The following SKI variants were observed in gnomAD, a reference collection of about 807,000 sequenced individuals.
The protein encoded by SKI is ski oncogene.
A neutral mutation model predicts 59.3 loss-of-function variants in SKI; 23 were observed. That is an observed-to-expected ratio of 0.39 (90% CI 0.28 to 0.55). The LOEUF (loss-of-function observed/expected upper bound fraction) is 0.55. Ranked by LOEUF, SKI falls within the 20% of genes least tolerant of loss-of-function variation. SKI has a pLI of 0.67. For synonymous variants in SKI, 673 were observed against 488.6 expected, an observed-to-expected ratio of 1.38 and a Z score of -4.98; for missense variants, 1,017 against 1,038.9, an observed-to-expected ratio of 0.98 and a Z score of 0.29.
chr1:2,253,566 G>T (rs1440559801), intron 1 of SKI, among the ~76,000 whole-genome samples: 1 of 152,228 alleles, frequency 6.6e-6, no homozygotes, highest in Non-Finnish European at 1.5e-5. Flanking sequence ...CTGTCTCAGG[G>T]GGCTGCTGGC....
chr1:2,306,790 CG>C lies in SKI; in HGVS notation c.*26del, dbSNP rs1404110864. 6.1e-6 allele frequency: 9 copies of C among 1,469,126 alleles called. No homozygotes were observed. Among genetic ancestry groups the C allele is most frequent in the Non-Finnish European group, 8.1e-6 (9 of 1,113,130 alleles). 91.0% of individuals were successfully genotyped at this position (1,469,126 alleles called of 1,614,324 possible). ...GATTCCGTGCCTGCCGCCGCAGCGC[CG>C]CCGACAACGCGGGTGCAGGGGGGCG... On this transcript the variant is annotated 3_prime_UTR_variant, in exon 7 of 7. Transcript: ENST00000378536.
Position 2,303,961 on chromosome 1 carries a change from C to G in SKI, c.1333C>G (p.Pro445Ala). Residue 445 changes from proline to alanine, a missense_variant, in exon 4 of 7, where the codon CCT becomes GCT. Pro to Ala is a conservative substitution (Grantham distance 27). Coordinates refer to ENST00000378536, the MANE Select transcript of SKI (RefSeq NM_003036.4). The surrounding 1 kb of genome is among the most constrained non-coding windows in gnomAD (Gnocchi z 5.6). ...CGCCGCCGTCTCCCGGGCCCCCGAG[C>G]CTCTCGCCACTTGCACCCAGCCTCG... is the stretch of plus-strand genomic sequence containing the variant. ...CAAAVSRAPE[P>A]LATCTQPRKR... is the part of the protein sequence containing the mutation. 6.2e-7 allele frequency: 1 copy of G among 1,612,226 alleles called. No individual in the cohort carries two copies. Among genetic ancestry groups the G allele is most frequent in the African/African-American group, 1.3e-5 (1 of 75,048 alleles).
At chr1:2,249,590 T>C (rs1639077774) in intron 1 of SKI, among the ~76,000 whole-genome samples, 1 of 152,302 alleles carries the variant, frequency 6.6e-6, no homozygotes, top group South Asian at 2.1e-4. Flanking sequence ...AGCAAGGCAG[T>C]GAGTGGAGAG....
intron 1 of SKI, among the ~76,000 whole-genome samples, chr1:2,291,866 T>C (rs1191094491): frequency 1.3e-5 from 2 of 152,228 alleles, no homozygotes; most frequent in Non-Finnish European, 2.9e-5. Flanking sequence ...AAAATCCGAG[T>C]GAACCTTTAA....
At chr1:2,254,618 C>T (rs894243549) in intron 1 of SKI, among the ~76,000 whole-genome samples, 6 of 152,176 alleles carry the variant, frequency 3.9e-5, no homozygotes, top group Non-Finnish European at 5.9e-5. Flanking sequence ...GACTTGTGGC[C>T]GTCACCACTA....
rs549355286 is a variant in SKI, at chr1:2,264,124, TGA to T, written c.969+34393_969+34394del. 3.9e-4 allele frequency among the ~76,000 whole-genome samples: 59 copies of T among 152,346 alleles called. 3 individuals carry two copies. In the South Asian group the frequency reaches 0.012, roughly 30 times the overall value. On this transcript the variant is annotated intron_variant, in intron 1 of 6. Coordinates refer to ENST00000378536, the MANE Select transcript of SKI (RefSeq NM_003036.4). ...ACTATTCAGTTTATCTGTTCTTGGT[TGA>T]GAGTTACTGGTTTGTGTTACACAAG... is the stretch of plus-strand genomic sequence containing the variant.
intron 1 of SKI, chr1:2,247,876 C>T (rs1272210997): frequency 6.6e-6 from 1 of 152,424 alleles, no homozygotes; most frequent in African/African-American, 2.4e-5. Flanking sequence ...CCTGGATGCG[C>T]CATTGCCAAC....
intron 1 of SKI, among the ~76,000 whole-genome samples, chr1:2,280,016 C>T (rs1040896297): frequency 1.8e-4 from 27 of 152,284 alleles, no homozygotes; most frequent in East Asian, 3.9e-4. Context: ...TCAGGAGAAG[C>T]GCGAGGCATG....
intron 1 of SKI, among the ~76,000 whole-genome samples, chr1:2,289,675 C>T (rs1026783385): frequency 2.6e-5 from 4 of 151,340 alleles, no homozygotes; most frequent in Non-Finnish European, 5.9e-5. Flanking sequence ...AGCGGCTCTC[C>T]CCTCCCCCGA....
At position 2,307,662 on chromosome 1, in the gene SKI, T is replaced by C. The variant is rs537307135; in HGVS notation, c.*897T>C. 2.6e-5 allele frequency: 4 copies of C among 152,684 alleles called. No individual in the cohort carries two copies. The highest frequency in any genetic ancestry group is 6.5e-5 in the Admixed American group (1 of 15,308). 9.5% of individuals were successfully genotyped at this position (152,684 alleles called of 1,614,324 possible). A position where few individuals can be genotyped will look rare whatever the true frequency, so the allele number is the denominator to read the frequency against. ...TCATTTTGGGACTGAGGCTGCAGCA[T>C]TGGAACAAAAGAGCATTATTTCAAT... On this transcript the variant is annotated 3_prime_UTR_variant, in exon 7 of 7. Transcript: ENST00000378536.
chr1:2,243,149 G>A (rs56076139), intron 1 of SKI, among the ~76,000 whole-genome samples: 1 of 152,250 alleles, frequency 6.6e-6, no homozygotes, highest in African/African-American at 2.4e-5. Flanking sequence ...GTATTTTGGA[G>A]TATCCGTTGG....
Position 2,246,301 on chromosome 1 carries a change from T to C in SKI, c.969+16566T>C, listed in dbSNP as rs535563127. Among the ~76,000 whole-genome samples, 170 of 152,334 alleles carry C rather than the reference T, an allele frequency of 1.1e-3. 1 individual carries two copies. Among genetic ancestry groups the C allele is most frequent in the African/African-American group, 3.8e-3 (160 of 41,570 alleles). On this transcript the variant is annotated intron_variant, in intron 1 of 6. Transcript: ENST00000378536. Reference sequence around the variant, plus strand: ...TGATGATTAGTATGTTGGGCATTTTTTCGTGTGCTTATTGGCCACTCCTAT... The same window carrying C: ...TGATGATTAGTATGTTGGGCATTTTCTCGTGTGCTTATTGGCCACTCCTAT...
At chr1:2,306,528 C>A (rs1350461338) in intron 6 of SKI, 49 bp from the exon 7 acceptor site, 4 of 1,517,360 alleles carry the variant, frequency 2.6e-6, no homozygotes, top group African/African-American at 1.4e-5. Context: ...AGCGTCGGGC[C>A]GGGGCAGGGC....
chr1:2,262,893 AT>A (rs1167975922), intron 1 of SKI, among the ~76,000 whole-genome samples: 1 of 151,634 alleles, frequency 6.6e-6, no homozygotes, highest in African/African-American at 2.4e-5. Context: ...ATATTGTTGA[AT>A]TTGTTTTTTT....
intron 1 of SKI, among the ~76,000 whole-genome samples, chr1:2,239,869 A>T (rs150174696): frequency 6.6e-5 from 10 of 152,212 alleles, no homozygotes; most frequent in Non-Finnish European, 1.2e-4. Flanking sequence ...CACTGGGTTT[A>T]GGTGTGCTTC....
chr1:2,246,011 G>T (rs1348988879), intron 1 of SKI, among the ~76,000 whole-genome samples: 3 of 150,616 alleles, frequency 2.0e-5, no homozygotes, highest in African/African-American at 7.3e-5. Flanking sequence ...GGCCAGGCTG[G>T]TCTCTGACTC....
At chr1:2,273,233 A>T (rs542078686) in intron 1 of SKI, among the ~76,000 whole-genome samples, 1 of 151,620 alleles carries the variant, frequency 6.6e-6, no homozygotes, top group African/African-American at 2.4e-5. Flanking sequence ...CCTCCTTCCC[A>T]CTGGCGCCGG....
At position 2,270,092 on chromosome 1, in the gene SKI, T is replaced by C. The variant is rs1458555014; in HGVS notation, c.970-32886T>C. 6.6e-6 allele frequency among the ~76,000 whole-genome samples: 1 copy of C among 152,036 alleles called. No individual in the cohort carries two copies. The highest frequency in any genetic ancestry group is 1.5e-5 in the Non-Finnish European group (1 of 67,982). ...GATGAGCCTGCCTGTCCCCCACGGA[T>C]TGGAGTTTTGCCCAGGGGTGCTGTG... On this transcript the variant is annotated intron_variant, in intron 1 of 6. Transcript: ENST00000378536. This position sits in a 1 kb window ranked among gnomAD's most constrained non-coding sequence, Gnocchi z 4.1.
chr1:2,287,429 C>CG (rs1379272669), intron 1 of SKI, among the ~76,000 whole-genome samples: 5 of 151,588 alleles, frequency 3.3e-5, no homozygotes, highest in African/African-American at 1.2e-4. Context: ...CTCCGCCTCC[C>CG]GGGTTCACGC....
Sources: gnomAD v4.1 joint callset for allele counts (sites outside exome capture counted in the v4.1 genomes callset) on GRCh38, gnomAD v4.1.1 for gene constraint, Gnocchi (gnomAD v3.1) non-coding constraint, MANE v1.5 for transcripts, NCBI Gene and HGNC (gene_info 2026-07-23, HGNC 2026-07-21) for gene names.